Variants in ZNF385D observed in about 807,000 individuals in gnomAD.
ZNF385D encodes the protein zinc finger protein 659.
A neutral mutation model predicts 35.8 loss-of-function variants in ZNF385D; 15 were observed. The ratio of observed to expected loss-of-function variants is 0.42; its 90% CI spans 0.28 to 0.64. The LOEUF is 0.64. Ranked by LOEUF, ZNF385D falls within the 30% of genes least tolerant of loss-of-function variation. ZNF385D has a pLI of 0.23. For missense variants in ZNF385D, 474 were observed against 494.6 expected (o/e 0.96, Z 0.39); for synonymous variants, 212 against 186.8 (o/e 1.13, Z -1.10).
chr3:21,904,149 C>T (rs930375333), intron 3 of ZNF385D, among the ~76,000 whole-genome samples: 3 of 151,534 alleles, frequency 2.0e-5, no homozygotes, highest in African/African-American at 7.3e-5. Flanking sequence ...ACTAAAAACA[C>T]AAAAATTAGC....
At chr3:21,711,839 A>T (rs1575510819) in intron 1 of ZNF385D, among the ~76,000 whole-genome samples, 1 of 152,316 alleles carries the variant, frequency 6.6e-6, no homozygotes, top group Non-Finnish European at 1.5e-5. Context: ...CCATCTGGTA[A>T]CCCATTTTTC....
chr3:22,291,844 GCT>G (rs2125398683), intron 2 of ZNF385D, among the ~76,000 whole-genome samples: 1 of 152,048 alleles, frequency 6.6e-6, no homozygotes, highest in East Asian at 1.9e-4. Flanking sequence ...AAAATTTAAT[GCT>G]TTTTTATTTA....
At chr3:22,127,209 T>C (rs554750215) in intron 3 of ZNF385D, among the ~76,000 whole-genome samples, 1 of 151,976 alleles carries the variant, frequency 6.6e-6, no homozygotes, top group Non-Finnish European at 1.5e-5. Flanking sequence ...TCCTGACATT[T>C]TGTTATTTCT....
At chr3:22,167,756 T>A (rs903281554) in intron 3 of ZNF385D, among the ~76,000 whole-genome samples, 5 of 152,222 alleles carry the variant, frequency 3.3e-5, no homozygotes, top group African/African-American at 1.2e-4. Flanking sequence ...GCCTATAGAA[T>A]TTAATAGTTC....
chr3:22,170,816 C>T (rs1399356787), intron 2 of ZNF385D, among the ~76,000 whole-genome samples: 1 of 152,130 alleles, frequency 6.6e-6, no homozygotes, highest in East Asian at 1.9e-4. Context: ...TCTTTTATCT[C>T]AAATATTGTT....
intron 2 of ZNF385D, among the ~76,000 whole-genome samples, chr3:22,266,349 T>C (rs936960618): frequency 3.9e-5 from 6 of 151,908 alleles, no homozygotes; most frequent in Non-Finnish European, 1.5e-5. Context: ...CATCTCTTGA[T>C]CAGAATGTAG....
At chr3:21,513,507 G>T (rs1707362532) in intron 3 of ZNF385D, among the ~76,000 whole-genome samples, 1 of 151,970 alleles carries the variant, frequency 6.6e-6, no homozygotes, top group South Asian at 2.1e-4. Context: ...CTGATTTAAA[G>T]GCAAATAAGC....
At chr3:21,784,807 T>C (rs772061263) in intron 3 of ZNF385D, among the ~76,000 whole-genome samples, 3 of 152,166 alleles carry the variant, frequency 2.0e-5, no homozygotes, top group Non-Finnish European at 2.9e-5. Context: ...ATTTTAGTGA[T>C]GTCTCTCCCT....
intron 3 of ZNF385D, among the ~76,000 whole-genome samples, chr3:21,861,854 T>C (rs1697071722): frequency 6.6e-6 from 1 of 152,078 alleles, no homozygotes; most frequent in South Asian, 2.1e-4. Flanking sequence ...AGCATTCCCT[T>C]GAGACTTTGA....
chr3:21,846,779 G>A lies in ZNF385D; in HGVS notation c.326-181751C>T, dbSNP rs573954996. Among the ~76,000 whole-genome samples the A allele has an allele frequency of 2.6e-4, 39 of 152,038 alleles. 1 individual carries two copies. The highest frequency in any genetic ancestry group is 7.0e-4 in the African/African-American group (29 of 41,506). Reference sequence around the variant, plus strand: ...TGGCTTTCTAGCGGCTTAATGGTGCGCCCAGGAGAAGCACCTCTAAGAAGC... The same window carrying A: ...TGGCTTTCTAGCGGCTTAATGGTGCACCCAGGAGAAGCACCTCTAAGAAGC... On this transcript the variant is annotated intron_variant, in intron 3 of 5. Transcript: ENST00000494108.
chr3:21,496,575 C>T (rs1559347772), intron 4 of ZNF385D, among the ~76,000 whole-genome samples: 1 of 140,034 alleles, frequency 7.1e-6, no homozygotes, highest in African/African-American at 2.6e-5. Context: ...ATATATATAT[C>T]ATATATATAT....
At chr3:21,982,404 A>C (rs1444250796) in intron 3 of ZNF385D, among the ~76,000 whole-genome samples, 1 of 152,022 alleles carries the variant, frequency 6.6e-6, no homozygotes, top group Non-Finnish European at 1.5e-5. Flanking sequence ...GGTGTCTAGG[A>C]ATGCTAAGTG....
intron 3 of ZNF385D, among the ~76,000 whole-genome samples, chr3:21,946,423 T>C (rs537654597): frequency 6.6e-6 from 1 of 151,934 alleles, no homozygotes; most frequent in East Asian, 1.9e-4. Context: ...GAAAATTAAT[T>C]CATTAGATTT....
At chr3:21,622,531 C>G (rs1039875793) in intron 2 of ZNF385D, among the ~76,000 whole-genome samples, 13 of 151,990 alleles carry the variant, frequency 8.6e-5, no homozygotes, top group African/African-American at 3.1e-4. Context: ...AGATTTTCAC[C>G]CATCAAAACA....
intron 3 of ZNF385D, among the ~76,000 whole-genome samples, chr3:22,168,299 T>C (rs1179781862): frequency 6.6e-6 from 1 of 152,068 alleles, no homozygotes; most frequent in Non-Finnish European, 1.5e-5. Flanking sequence ...ACACATACTT[T>C]TAAAAAGTAG....
intron 3 of ZNF385D, among the ~76,000 whole-genome samples, chr3:22,035,325 C>T (rs1559320974): frequency 6.6e-6 from 1 of 152,080 alleles, no homozygotes; most frequent in East Asian, 1.9e-4. Flanking sequence ...GTTCCCAGTG[C>T]CCATCTAGCA....
chr3:21,563,834 G>T (rs537934132), intron 3 of ZNF385D, among the ~76,000 whole-genome samples: 3 of 152,218 alleles, frequency 2.0e-5, no homozygotes, highest in South Asian at 4.1e-4. Context: ...ATCAAAGCAG[G>T]TTTAGCGGGG....
chr3:21,905,075 T>G (rs1402038354), intron 3 of ZNF385D, among the ~76,000 whole-genome samples: 2 of 152,036 alleles, frequency 1.3e-5, no homozygotes, highest in African/African-American at 4.8e-5. Context: ...AACACATCTT[T>G]GACTTTCAGG....
chr3:21,911,724 A>C (rs529039934), intron 3 of ZNF385D, among the ~76,000 whole-genome samples: 1 of 151,962 alleles, frequency 6.6e-6, no homozygotes. Context: ...TATTTGCCAA[A>C]AACTTATTTT....
Sources: allele counts gnomAD v4.1 joint callset (sites outside exome capture counted in the v4.1 genomes callset), GRCh38; gene constraint gnomAD v4.1.1; transcripts MANE v1.5; gene names NCBI Gene and HGNC (gene_info 2026-07-23, HGNC 2026-07-21).